CPS1: variants seen among roughly 807,000 people sequenced by gnomAD.
The protein encoded by CPS1 is carbamoyl-phosphate synthase 1, also known as carbamoyl-phosphate synthase [ammonia], mitochondrial.
In CPS1, 109 loss-of-function variants were observed where a neutral mutation model predicts 174.6. That is an observed-to-expected ratio of 0.62 (90% confidence interval 0.53 to 0.73). The LOEUF (loss-of-function observed/expected upper bound fraction) is 0.73. Among genes scored for constraint, CPS1 ranks in the 30% least tolerant of loss-of-function variants. The probability of loss-of-function intolerance (pLI) is 0.00; values close to 1 mark genes in which losing one functional copy is unlikely to be tolerated. For synonymous variants in CPS1, 637 were observed against 632.0 expected (o/e 1.01, Z -0.12); for missense variants, 1,689 against 1,821.9 (o/e 0.93, Z 1.33).
chr2:210,502,758 A>G (rs891922746), intron 1 of CPS1, among the ~76,000 whole-genome samples: 5 of 152,100 alleles, frequency 3.3e-5, no homozygotes, highest in African/African-American at 4.8e-5. Context: ...TGCTCTAATA[A>G]GATATCAAAA....
intron 15 of CPS1, among the ~76,000 whole-genome samples, chr2:210,601,716 T>C (rs1258141980): frequency 6.6e-6 from 1 of 151,912 alleles, no homozygotes; most frequent in African/African-American, 2.4e-5. Flanking sequence ...ATTCCAAGCT[T>C]CTGGGACTAT....
At chr2:210,650,312 G>A (rs369100093) in intron 27 of CPS1, 51 bp from the exon 28 acceptor site, 3 of 1,441,034 alleles carry the variant, frequency 2.1e-6, no homozygotes, top group Non-Finnish European at 2.9e-6. Context: ...AACCAGTCAA[G>A]TCTAGTATTA....
intron 1 of CPS1, among the ~76,000 whole-genome samples, chr2:210,539,755 C>G (rs1420109622): frequency 6.6e-6 from 1 of 152,138 alleles, no homozygotes; most frequent in African/African-American, 2.4e-5. Context: ...GGGGTCTGGT[C>G]ATTTGTCCCT....
intron 6 of CPS1, among the ~76,000 whole-genome samples, chr2:210,584,301 A>G (rs920829190): frequency 1.3e-5 from 2 of 152,102 alleles, no homozygotes; most frequent in African/African-American, 2.4e-5. Flanking sequence ...TATTTATACT[A>G]TAGCAGAGAT....
In CPS1 at chr2:210,589,734, G is replaced by A. The variant is rs115793817; in HGVS notation, c.712-372G>A. 8.6e-3 allele frequency among the ~76,000 whole-genome samples: 1,302 copies of A among 151,722 alleles called. 19 individuals are homozygous for A. The highest frequency in any genetic ancestry group is 0.03 in the African/African-American group (1,244 of 41,388). On this transcript the variant is annotated intron_variant, in intron 7 of 37. Coordinates refer to ENST00000233072, the MANE Select transcript of CPS1 (RefSeq NM_001875.5). Reference sequence around the variant, plus strand: ...GAGTGCAATGGTGTGATCTTGGCTCGCTGGAACCTGTGACTCCTGGACTCG... The same window carrying A: ...GAGTGCAATGGTGTGATCTTGGCTCACTGGAACCTGTGACTCCTGGACTCG...
At chr2:210,509,559 G>A (rs1488301807) in intron 1 of CPS1, among the ~76,000 whole-genome samples, 6 of 152,084 alleles carry the variant, frequency 3.9e-5, no homozygotes, top group Non-Finnish European at 8.8e-5. Context: ...GGAAATAAAG[G>A]GTATTCAGTT....
intron 30 of CPS1, 60 bp downstream of exon 30, chr2:210,656,692 GGT>G: frequency 3.5e-6 from 4 of 1,132,284 alleles, no homozygotes; most frequent in African/African-American, 3.5e-5. Flanking sequence ...AAACACCTAA[GGT>G]TTTTTTTTTT....
intron 4 of CPS1, among the ~76,000 whole-genome samples, chr2:210,578,010 A>G (rs1240377648): frequency 6.6e-6 from 1 of 152,336 alleles, no homozygotes; most frequent in East Asian, 1.9e-4. Flanking sequence ...TTGGGCTTCA[A>G]CATTATGACA....
At chr2:210,665,062 G>A (rs570408142) in intron 33 of CPS1, among the ~76,000 whole-genome samples, 4 of 152,170 alleles carry the variant, frequency 2.6e-5, no homozygotes, top group South Asian at 2.1e-4. Flanking sequence ...TTAAAACCTC[G>A]TCTGTGTTGT....
chr2:210,498,911 G>A (rs150469615), intron 1 of CPS1, among the ~76,000 whole-genome samples: 133 of 152,264 alleles, frequency 8.7e-4, no homozygotes, highest in African/African-American at 3.2e-3. Context: ...TGTGCATGGA[G>A]TAAAGAGGGC....
At chr2:210,612,875 C>A (rs553775872) in intron 20 of CPS1, among the ~76,000 whole-genome samples, 67 of 152,086 alleles carry the variant, frequency 4.4e-4, no homozygotes, top group African/African-American at 1.5e-3. Flanking sequence ...CCCTCCACTA[C>A]TTGCTTCTCA....
chr2:210,555,326 G>T (rs1696879504), upstream of CPS1, among the ~76,000 whole-genome samples: 1 of 151,926 alleles, frequency 6.6e-6, no homozygotes, highest in Admixed American at 6.6e-5. Flanking sequence ...AATGCACAAG[G>T]AACTTGATCT....
At chr2:210,645,416 T>C (rs1700349702) in intron 25 of CPS1, among the ~76,000 whole-genome samples, 1 of 152,266 alleles carries the variant, frequency 6.6e-6, no homozygotes. Context: ...AAAGTAGAGT[T>C]AACTTAAGAT....
At chr2:210,673,691 A>G (rs1177868294) in intron 34 of CPS1, 3 of 152,180 alleles carry the variant, frequency 2.0e-5, no homozygotes, top group Non-Finnish European at 4.4e-5. Flanking sequence ...AATAATATTT[A>G]TTAAGAACTA....
chr2:210,663,704 C>A (rs147045496), intron 33 of CPS1, among the ~76,000 whole-genome samples: 1 of 152,114 alleles, frequency 6.6e-6, no homozygotes, highest in African/African-American at 2.4e-5. Flanking sequence ...ATAATGGAAT[C>A]GGCCACTGGA....
At chr2:210,648,693 G>A (rs1700463160) in intron 27 of CPS1, among the ~76,000 whole-genome samples, 153 bp downstream of exon 27, 1 of 152,194 alleles carries the variant, frequency 6.6e-6, no homozygotes, top group South Asian at 2.1e-4. Flanking sequence ...AAGGACCAAT[G>A]TGTGGTCTTC....
intron 1 of CPS1, among the ~76,000 whole-genome samples, chr2:210,492,806 CA>C (rs1241911772): frequency 6.6e-6 from 1 of 151,754 alleles, no homozygotes; most frequent in Non-Finnish European, 1.5e-5. Flanking sequence ...ATATAAAATA[CA>C]AAGGATTCAA....
chr2:210,635,307 C>T (rs1324861678), intron 21 of CPS1, among the ~76,000 whole-genome samples: 1 of 152,156 alleles, frequency 6.6e-6, no homozygotes. Context: ...TCAAGTACAA[C>T]CTTTCACACT....
chr2:210,553,997 C>A (rs1213238086), upstream of CPS1, among the ~76,000 whole-genome samples: 1 of 150,800 alleles, frequency 6.6e-6, no homozygotes, highest in Non-Finnish European at 1.5e-5. Context: ...AATATTTAAT[C>A]AAATTTTCCA....
Sources: allele counts gnomAD v4.1 joint callset (sites outside exome capture counted in the v4.1 genomes callset), GRCh38; gene constraint gnomAD v4.1.1; transcripts MANE v1.5; gene names NCBI Gene and HGNC (gene_info 2026-07-23, HGNC 2026-07-21).